RIPOR3: variants seen among roughly 807,000 people sequenced by gnomAD.
RIPOR3 encodes RIPOR family member 3, also known as family with sequence similarity 65 member C.
A neutral mutation model predicts 114.3 loss-of-function variants in RIPOR3; 95 were observed. The ratio of observed to expected loss-of-function variants is 0.83; its 90% confidence interval spans 0.70 to 0.99. The LOEUF is 0.99. RIPOR3 is among the 50% of genes least tolerant of loss of function. The pLI is 0.00. For synonymous variants in RIPOR3, 575 were observed against 543.8 expected, an observed-to-expected ratio of 1.06 and a Z score of -0.80; for missense variants, 1,252 against 1,266.9, an observed-to-expected ratio of 0.99 and a Z score of 0.18.
chr20:50,587,369 C>G (rs1413735294), intron 21 of RIPOR3, 37 bp from the exon 22 acceptor site: 2 of 1,576,756 alleles, frequency 1.3e-6, no homozygotes, highest in Non-Finnish European at 1.7e-6. Context: ...GGGTTGGATC[C>G]TGCCTTGGCA....
Position 50,593,207 on chromosome 20 carries a change from G to T in RIPOR3, c.2213-11C>A, listed in dbSNP as rs376086239. On this transcript the variant is annotated splice_polypyrimidine_tract_variant and intron_variant, in intron 17 of 21. Transcript: ENST00000327979. The stretch of plus-strand genomic sequence containing the variant: ...GGAGCCTGCGGCACGCTGGCCAAAG[G>T]GGAGAGTACATCAGGAGAAACTGAG... 1.9e-6 allele frequency: 3 copies of T among 1,609,654 alleles called. No homozygotes were observed. The highest frequency in any genetic ancestry group is 2.5e-6 in the Non-Finnish European group (3 of 1,179,704).
chr20:50,594,738 T>C, intron 16 of RIPOR3, 24 bp from the exon 17 acceptor site: 2 of 1,597,894 alleles, frequency 1.3e-6, no homozygotes, highest in Non-Finnish European at 1.7e-6. Context: ...TTCAGAAACC[T>C]GAATGGTGAC....
Position 50,593,299 on chromosome 20 carries a change from G to A in RIPOR3, c.2213-103C>T, listed in dbSNP as rs577992189. 5.7e-5 allele frequency: 75 copies of A among 1,304,352 alleles called. No individual in the cohort carries two copies. The East Asian group carries it at 7.1e-4, about 12-fold the overall frequency. The allele number at this position is 1,304,352 out of a possible 1,614,324, so 80.8% of individuals were successfully genotyped here. ...AGCTAAAAGGCTTTCTGGGCCGGGC[G>A]CAGTGGCTCGCACCTGTAACCCCAG... On this transcript the variant is annotated intron_variant, in intron 17 of 21. Transcript: ENST00000327979.
chr20:50,603,427 C>T lies in RIPOR3; in HGVS notation c.1087-783G>A, dbSNP rs549986858. ...CTAATTTTTGTATTTTTAGTAGAGA[C>T]GGGGTTTCACCATGTTGGCCAGGCT... is the stretch of plus-strand genomic sequence containing the variant. On this transcript the variant is annotated intron_variant, in intron 12 of 21. Coordinates refer to ENST00000327979, the MANE Select transcript of RIPOR3 (RefSeq NM_001290268.2). Among the ~76,000 whole-genome samples the T allele has an allele frequency of 8.5e-5, 13 of 152,148 alleles. No individual in the cohort carries two copies. The East Asian group carries it at 1.4e-3, about 16-fold the overall frequency.
chr20:50,635,886 A>T (rs1251171739), intron 1 of RIPOR3, among the ~76,000 whole-genome samples: 1 of 152,176 alleles, frequency 6.6e-6, no homozygotes, highest in Non-Finnish European at 1.5e-5. Flanking sequence ...GACCTCCTCC[A>T]GCGGGGAAGA....
Position 50,593,292 on chromosome 20 carries a change from G to A in RIPOR3, c.2213-96C>T, listed in dbSNP as rs1048110968. 11 of 1,411,792 alleles carry A rather than the reference G, an allele frequency of 7.8e-6. No individual in the cohort carries two copies. The Admixed American group carries it at 2.1e-4, about 27-fold the overall frequency. The allele number at this position is 1,411,792 out of a possible 1,614,324, so 87.5% of individuals were successfully genotyped here. On this transcript the variant is annotated intron_variant, in intron 17 of 21. Transcript: ENST00000327979. ...CCTGGTCAGCTAAAAGGCTTTCTGGGCCGGGCGCAGTGGCTCGCACCTGTA... is the reference window on the plus strand; with the variant it reads ...CCTGGTCAGCTAAAAGGCTTTCTGGACCGGGCGCAGTGGCTCGCACCTGTA...
chr20:50,689,200 G>A (rs571231681), intron 1 of RIPOR3, among the ~76,000 whole-genome samples: 25 of 122,046 alleles, frequency 2.0e-4, no homozygotes, highest in South Asian at 5.2e-4. Flanking sequence ...TTTTTGAGAC[G>A]AAGTCTCGTT....
At chr20:50,673,063 G>C (rs1167420242) in intron 1 of RIPOR3, among the ~76,000 whole-genome samples, 1 of 152,230 alleles carries the variant, frequency 6.6e-6, no homozygotes, top group African/African-American at 2.4e-5. Flanking sequence ...CCACTGCCCT[G>C]AGGCAGGTCC....
At chr20:50,610,571 G>A (rs1339170610) in intron 6 of RIPOR3, among the ~76,000 whole-genome samples, 1 of 152,156 alleles carries the variant, frequency 6.6e-6, no homozygotes, top group Non-Finnish European at 1.5e-5. Flanking sequence ...ATCTAAGACT[G>A]AGCATGAGGT....
intron 1 of RIPOR3, among the ~76,000 whole-genome samples, chr20:50,653,410 C>CA (rs1351585742): frequency 1.5e-4 from 22 of 146,870 alleles, no homozygotes; most frequent in African/African-American, 3.7e-4. Flanking sequence ...GTGAATATGC[C>CA]AAAAAAAAGA....
chr20:50,678,590 C>T (rs963311035), intron 1 of RIPOR3, among the ~76,000 whole-genome samples: 9 of 152,184 alleles, frequency 5.9e-5, no homozygotes, highest in Non-Finnish European at 2.9e-5. Flanking sequence ...CAGTGCTATT[C>T]GTGATCACAA....
At chr20:50,633,004 C>G (rs1568897797) in intron 1 of RIPOR3, among the ~76,000 whole-genome samples, 1 of 152,356 alleles carries the variant, frequency 6.6e-6, no homozygotes, top group East Asian at 1.9e-4. Context: ...TGGCTCACAC[C>G]TGTAATCCTA....
At chr20:50,681,490 A>G (rs144766762) in intron 1 of RIPOR3, among the ~76,000 whole-genome samples, 1 of 152,252 alleles carries the variant, frequency 6.6e-6, no homozygotes, top group African/African-American at 2.4e-5. Context: ...AAGCCAGAAG[A>G]GCTGGATTCA....
chr20:50,642,381 A>T (rs1273803741), intron 1 of RIPOR3, among the ~76,000 whole-genome samples: 4 of 150,974 alleles, frequency 2.6e-5, no homozygotes, highest in Non-Finnish European at 5.9e-5. Context: ...TGTGTGTGAG[A>T]GAGAGAGAAA....
intron 14 of RIPOR3, chr20:50,597,323 A>G: frequency 4.0e-6 from 2 of 496,838 alleles, no homozygotes; most frequent in Non-Finnish European, 7.2e-6. Context: ...AAATAATACT[A>G]AAAGCTGGTT....
intron 13 of RIPOR3, among the ~76,000 whole-genome samples, chr20:50,598,618 A>C (rs566012781): frequency 6.6e-6 from 1 of 152,352 alleles, no homozygotes; most frequent in African/African-American, 2.4e-5. Flanking sequence ...CAATACACAC[A>C]TGCATGTAGA....
intron 20 of RIPOR3, among the ~76,000 whole-genome samples, 192 bp downstream of exon 20, chr20:50,589,494 C>T (rs1046533624): frequency 6.6e-6 from 1 of 152,106 alleles, no homozygotes; most frequent in Non-Finnish European, 1.5e-5. Flanking sequence ...TGGAGTTTCG[C>T]CATGTTGGCC....
At chr20:50,677,736 C>G (rs1453265886) in intron 1 of RIPOR3, among the ~76,000 whole-genome samples, 1 of 145,538 alleles carries the variant, frequency 6.9e-6, no homozygotes, top group Non-Finnish European at 1.5e-5. Context: ...GTGGGGCGAT[C>G]TCAGCTCACT....
intron 1 of RIPOR3, among the ~76,000 whole-genome samples, chr20:50,634,043 A>G (rs1477033529): frequency 7.0e-6 from 1 of 143,026 alleles, no homozygotes; most frequent in East Asian, 2.1e-4. Flanking sequence ...GTGCAGTGAC[A>G]CGATCTCAGC....
Sources: gnomAD v4.1 joint callset for allele counts (sites outside exome capture counted in the v4.1 genomes callset) on GRCh38, gnomAD v4.1.1 for gene constraint, MANE v1.5 for transcripts, NCBI Gene and HGNC (gene_info 2026-07-23, HGNC 2026-07-21) for gene names.